Variants in DAB1 observed in about 807,000 individuals in gnomAD.
DAB1 encodes the protein DAB adaptor protein 1.
Under a neutral mutation model 64.6 loss-of-function variants are expected in DAB1, and 15 were observed. The ratio of observed to expected loss-of-function variants is 0.23; its 90% CI spans 0.16 to 0.36. DAB1 has a LOEUF of 0.36. Ranked by LOEUF, DAB1 falls within the 10% of genes least tolerant of loss-of-function variation. The probability of loss-of-function intolerance (pLI) is 1.00; values close to 1 mark genes in which losing one functional copy is unlikely to be tolerated. For synonymous variants in DAB1, 235 were observed against 251.9 expected (o/e 0.93, Z 0.64); for missense variants, 596 against 706.7 (o/e 0.84, Z 1.78).
At chr1:58,134,200 A>G (rs1270347322) in intron 5 of DAB1, among the ~76,000 whole-genome samples, 1 of 152,220 alleles carries the variant, frequency 6.6e-6, no homozygotes, top group African/African-American at 2.4e-5. Flanking sequence ...AGATCAAAGC[A>G]TCAGCAGATT....
At chr1:58,533,979 T>G (rs17117678) in intron 1 of DAB1, 82,608 of 872,004 alleles carry the variant, frequency 0.095, 4,604 homozygotes, top group African/African-American at 0.18. Context: ...GCATGTGCTA[T>G]TTCATGGCCC....
At chr1:57,493,764 T>TCACACACACACACA (rs397963642) in intron 7 of DAB1, among the ~76,000 whole-genome samples, 17 of 148,234 alleles carry the variant, frequency 1.1e-4, no homozygotes, top group African/African-American at 4.2e-4. Flanking sequence ...TATTCACAGC[T>TCACACACACACACA]CACACACACA....
intron 5 of DAB1, among the ~76,000 whole-genome samples, chr1:58,049,665 C>T (rs1306430454): frequency 6.6e-6 from 1 of 152,096 alleles, no homozygotes; most frequent in Non-Finnish European, 1.5e-5. Flanking sequence ...GCTATATGAC[C>T]TTGAGTTTGA....
chr1:58,210,294 G>A (rs1557696899), intron 4 of DAB1, among the ~76,000 whole-genome samples: 1 of 152,248 alleles, frequency 6.6e-6, no homozygotes, highest in East Asian at 1.9e-4. Flanking sequence ...AACTGCACAA[G>A]GAAAGGCACA....
chr1:57,610,279 G>C (rs996593938), intron 7 of DAB1, among the ~76,000 whole-genome samples: 5 of 152,162 alleles, frequency 3.3e-5, no homozygotes, highest in Non-Finnish European at 7.3e-5. Flanking sequence ...TAAGTCAAAA[G>C]CTTCTGATAT....
chr1:58,523,829 GC>G (rs113203919), intron 2 of DAB1, among the ~76,000 whole-genome samples: 7 of 151,666 alleles, frequency 4.6e-5, no homozygotes, highest in African/African-American at 1.7e-4. Flanking sequence ...AAGCTGGGAG[GC>G]AGAGCTTGCA....
chr1:57,632,646 A>G (rs1212177675), intron 7 of DAB1, among the ~76,000 whole-genome samples: 1 of 152,198 alleles, frequency 6.6e-6, no homozygotes, highest in Admixed American at 6.5e-5. Flanking sequence ...AGTTGTGAGG[A>G]GAAGGGAAAC....
At chr1:57,125,912 A>C (rs1171283337) in intron 4 of DAB1, among the ~76,000 whole-genome samples, 1 of 152,176 alleles carries the variant, frequency 6.6e-6, no homozygotes, top group African/African-American at 2.4e-5. Context: ...GAGGTGAACC[A>C]GAGGCTTCTT....
At chr1:57,569,203 G>A (rs1386051507) in intron 7 of DAB1, among the ~76,000 whole-genome samples, 1 of 142,578 alleles carries the variant, frequency 7.0e-6, no homozygotes, top group African/African-American at 2.6e-5. Context: ...AGCCTGCAGT[G>A]AGCCGAGATT....
chr1:57,019,948 C>T (rs1468100563), intron 11 of DAB1, among the ~76,000 whole-genome samples: 3 of 152,210 alleles, frequency 2.0e-5, no homozygotes, highest in African/African-American at 7.2e-5. Context: ...ATAAGAAAAG[C>T]ACTAAAAACG....
At chr1:58,406,352 C>A (rs941360832) in intron 3 of DAB1, among the ~76,000 whole-genome samples, 19 of 152,224 alleles carry the variant, frequency 1.2e-4, no homozygotes, top group African/African-American at 4.3e-4. Context: ...TGAGAGTCAC[C>A]CACCTGTAAT....
At chr1:57,296,113 C>T (rs1310565290) in intron 1 of DAB1, among the ~76,000 whole-genome samples, 1 of 152,034 alleles carries the variant, frequency 6.6e-6, no homozygotes, top group African/African-American at 2.4e-5. Flanking sequence ...AAACTATTTT[C>T]GATGTTCTAT....
At chr1:58,085,070 A>C (rs894065525) in intron 5 of DAB1, among the ~76,000 whole-genome samples, 8 of 152,186 alleles carry the variant, frequency 5.3e-5, no homozygotes, top group Admixed American at 3.3e-4. Flanking sequence ...CAGTGAAATG[A>C]AAGAATGGTT....
intron 7 of DAB1, among the ~76,000 whole-genome samples, chr1:57,490,254 T>A (rs1644145132): frequency 6.6e-6 from 1 of 152,210 alleles, no homozygotes; most frequent in Non-Finnish European, 1.5e-5. Flanking sequence ...TCTTTATTTA[T>A]TAATTTACTC....
At chr1:58,457,095 C>T (rs1449294770) in intron 3 of DAB1, among the ~76,000 whole-genome samples, 1 of 152,068 alleles carries the variant, frequency 6.6e-6, no homozygotes, top group African/African-American at 2.4e-5. Context: ...TAAAGTTTGC[C>T]CTGTTCCATC....
At chr1:57,205,038 T>C (rs942138423) in intron 2 of DAB1, among the ~76,000 whole-genome samples, 2 of 152,222 alleles carry the variant, frequency 1.3e-5, no homozygotes, top group South Asian at 2.1e-4. Flanking sequence ...AGCTCACCCA[T>C]TTGAGAGTGT....
chr1:58,330,131 G>A (rs1429449512), intron 4 of DAB1, among the ~76,000 whole-genome samples: 2 of 152,200 alleles, frequency 1.3e-5, no homozygotes, highest in Non-Finnish European at 2.9e-5. Flanking sequence ...GAAATTAGAA[G>A]TGCCACTCCA....
chr1:57,241,709 C>T (rs1017500220), intron 2 of DAB1, among the ~76,000 whole-genome samples: 8 of 152,174 alleles, frequency 5.3e-5, no homozygotes, highest in African/African-American at 1.9e-4. Context: ...CTAGCCTTTG[C>T]CAGATCTTGT....
intron 4 of DAB1, among the ~76,000 whole-genome samples, chr1:58,228,100 C>T (rs1000840444): frequency 2.0e-5 from 3 of 152,054 alleles, no homozygotes; most frequent in African/African-American, 4.8e-5. Flanking sequence ...GCTTGGTATC[C>T]GAGATGAAAA....
Sources: gnomAD v4.1 joint callset for allele counts (sites outside exome capture counted in the v4.1 genomes callset) on GRCh38, gnomAD v4.1.1 for gene constraint, MANE v1.5 for transcripts, NCBI Gene and HGNC (gene_info 2026-07-23, HGNC 2026-07-21) for gene names.